FAM13A: variants seen among roughly 807,000 people sequenced by gnomAD.
FAM13A encodes the protein protein FAM13A.
FAM13A carries 76 observed loss-of-function variants against 129.6 expected under a neutral mutation model. That is an observed-to-expected ratio of 0.59 (90% CI 0.49 to 0.71). The LOEUF (loss-of-function observed/expected upper bound fraction) is 0.71, where lower values mean the gene tolerates loss of function less well. Among genes scored for constraint, FAM13A ranks in the 30% least tolerant of loss-of-function variants. FAM13A has a pLI of 0.00. For missense variants in FAM13A, 1,108 were observed against 1,249.3 expected, an observed-to-expected ratio of 0.89 and a Z score of 1.70; for synonymous variants, 443 against 449.9, an observed-to-expected ratio of 0.98 and a Z score of 0.20.
In FAM13A at chr4:88,732,020, T is replaced by C; in HGVS notation, c.2825A>G (p.Asn942Ser). The C allele has an allele frequency of 6.2e-7, 1 of 1,611,888 alleles. No individual in the cohort carries two copies. Among genetic ancestry groups the C allele is most frequent in the Non-Finnish European group, 8.5e-7 (1 of 1,179,088 alleles). Residue 942 changes from asparagine to serine, a missense_variant, in exon 22 of 24, where the codon AAT becomes AGT. Around this residue, in one of 3 missense-constraint regions of FAM13A, gnomAD observed 529 missense variants for 621.2 expected, o/e 0.85. Transcript: ENST00000264344. Reference sequence around the variant, plus strand: ...GACATACATTGAGGCAGCATGGAGATTTGAAAGCCCTGTGTCCTGGCTGCA... The same window carrying C: ...GACATACATTGAGGCAGCATGGAGACTTGAAAGCCCTGTGTCCTGGCTGCA... ...SKCSQDTGLS[N>S]LHAASIPELL...
At position 88,888,427 on chromosome 4, in the gene FAM13A, T is replaced by C. The variant is rs1444285515; in HGVS notation, c.843+17952A>G. 4.6e-5 allele frequency among the ~76,000 whole-genome samples: 7 copies of C among 152,302 alleles called. No homozygotes were observed. In the East Asian group the frequency reaches 1.2e-3, roughly 25 times the overall value. On this transcript the variant is annotated intron_variant, in intron 6 of 23. Transcript: ENST00000264344. ...ATTTGAAAGGCAGAGGAAAAGACAA[T>C]GCTACTTTGGGTATTATAGCTGGCA...
intron 6 of FAM13A, among the ~76,000 whole-genome samples, chr4:88,860,337 A>T (rs1309566046): frequency 6.6e-6 from 1 of 152,216 alleles, no homozygotes. Flanking sequence ...GGATGAGAAT[A>T]CTCAGGATTC....
At chr4:88,881,178 T>C (rs1481582810) in intron 6 of FAM13A, among the ~76,000 whole-genome samples, 2 of 152,182 alleles carry the variant, frequency 1.3e-5, no homozygotes, top group African/African-American at 4.8e-5. Context: ...CAAATAAAAC[T>C]AGCCCAATAA....
intron 11 of FAM13A, among the ~76,000 whole-genome samples, chr4:88,780,079 CTTTAT>C (rs1209487801): frequency 1.3e-5 from 2 of 152,000 alleles, no homozygotes; most frequent in African/African-American, 2.4e-5. Flanking sequence ...ACTTTAAATT[CTTTAT>C]TTTGAGAATT....
intron 3 of FAM13A, among the ~76,000 whole-genome samples, chr4:88,995,195 CAG>C: frequency 6.7e-6 from 1 of 149,612 alleles, no homozygotes; most frequent in Non-Finnish European, 1.5e-5. Context: ...AATATACAAA[CAG>C]TATATTTGTT....
At chr4:88,933,681 C>G (rs1462546521) in intron 5 of FAM13A, among the ~76,000 whole-genome samples, 1 of 152,074 alleles carries the variant, frequency 6.6e-6, no homozygotes, top group Non-Finnish European at 1.5e-5. Context: ...GTTGTATATC[C>G]TAGCTTACCT....
intron 6 of FAM13A, among the ~76,000 whole-genome samples, chr4:88,851,489 T>G (rs949322962): frequency 6.6e-6 from 1 of 151,534 alleles, no homozygotes; most frequent in Admixed American, 6.6e-5. Context: ...AATCATTCTA[T>G]GTAATGAGAA....
chr4:88,841,290 T>C (rs1735767773), intron 7 of FAM13A, among the ~76,000 whole-genome samples: 2 of 152,034 alleles, frequency 1.3e-5, no homozygotes, highest in Admixed American at 6.5e-5. Flanking sequence ...GGTCAGGAGT[T>C]CAAGACCAGC....
intron 6 of FAM13A, among the ~76,000 whole-genome samples, chr4:88,881,055 G>C (rs1186672726): frequency 6.6e-6 from 1 of 152,188 alleles, no homozygotes; most frequent in Non-Finnish European, 1.5e-5. Flanking sequence ...GGTAGCTGAA[G>C]ACAATGGACA....
At chr4:88,790,256 T>C (rs1724851937) in intron 9 of FAM13A, among the ~76,000 whole-genome samples, 1 of 152,160 alleles carries the variant, frequency 6.6e-6, no homozygotes, top group South Asian at 2.1e-4. Flanking sequence ...GTTTAACCTT[T>C]AATTACATTA....
At chr4:89,020,798 T>A (rs1767159219) in intron 2 of FAM13A, 129 bp from the exon 3 acceptor site, 1 of 658,366 alleles carries the variant, frequency 1.5e-6, no homozygotes, top group Non-Finnish European at 2.6e-6. Context: ...TCAATCATTG[T>A]GTAATTTTCA....
At chr4:89,024,432 G>C (rs1055701355) in intron 2 of FAM13A, among the ~76,000 whole-genome samples, 2 of 152,100 alleles carry the variant, frequency 1.3e-5, no homozygotes, top group Non-Finnish European at 2.9e-5. Flanking sequence ...TCCAAAATCT[G>C]CTTAAAGGGC....
Position 88,726,457 on chromosome 4 carries a change from A to G in FAM13A, c.*2076T>C, listed in dbSNP as rs1188789984. ...TTTAGTTAATTTACCTTTGGCAGAA[A>G]CAACAGATTCCAAAACAATTAGTAG... is the stretch of plus-strand genomic sequence containing the variant. On this transcript the variant is annotated 3_prime_UTR_variant, in exon 24 of 24. Coordinates refer to ENST00000264344, the MANE Select transcript of FAM13A (RefSeq NM_014883.4). 6.6e-6 allele frequency: 1 copy of G among 152,646 alleles called. No individual in the cohort carries two copies. Among genetic ancestry groups the G allele is most frequent in the Non-Finnish European group, 1.5e-5 (1 of 68,048 alleles). The allele number at this position is 152,646 out of a possible 1,614,324, so 9.5% of individuals were successfully genotyped here. A position where few individuals can be genotyped will look rare whatever the true frequency, so the allele number is the denominator to read the frequency against.
chr4:88,863,640 A>C (rs1739890499), intron 6 of FAM13A, among the ~76,000 whole-genome samples: 1 of 152,212 alleles, frequency 6.6e-6, no homozygotes, highest in Admixed American at 6.5e-5. Flanking sequence ...GGACTATGCT[A>C]ATGCCAGGCA....
intron 20 of FAM13A, among the ~76,000 whole-genome samples, chr4:88,738,655 G>A (rs1578429594): frequency 6.6e-6 from 1 of 152,300 alleles, no homozygotes; most frequent in East Asian, 1.9e-4. Context: ...GGGACTATGA[G>A]CAGAGGGCCT....
intron 14 of FAM13A, among the ~76,000 whole-genome samples, chr4:88,751,167 A>C (rs1227119656): frequency 6.6e-6 from 1 of 152,174 alleles, no homozygotes; most frequent in African/African-American, 2.4e-5. Flanking sequence ...GCTTGAACCC[A>C]GGAGGTGGAG....
At chr4:88,827,085 C>A (rs1456033721) in intron 7 of FAM13A, among the ~76,000 whole-genome samples, 1 of 152,214 alleles carries the variant, frequency 6.6e-6, no homozygotes, top group South Asian at 2.1e-4. Context: ...CAATGGACTT[C>A]GACCTTTACC....
chr4:89,020,083 C>T lies in FAM13A; in HGVS notation c.427+377G>A, dbSNP rs147645755. On this transcript the variant is annotated intron_variant, in intron 3 of 23. Coordinates refer to ENST00000264344, the MANE Select transcript of FAM13A (RefSeq NM_014883.4). The stretch of plus-strand genomic sequence containing the variant: ...CAATATTACGTTACTGAAGTAGTCA[C>T]ATGTTAATGGTATCAGAAATTTCAT... 4.6e-3 allele frequency among the ~76,000 whole-genome samples: 706 copies of T among 152,132 alleles called. 8 individuals carry two copies. Among genetic ancestry groups the T allele is most frequent in the African/African-American group, 0.016 (677 of 41,480 alleles).
At chr4:88,825,250 C>T (rs1463563975) in intron 7 of FAM13A, among the ~76,000 whole-genome samples, 2 of 149,930 alleles carry the variant, frequency 1.3e-5, no homozygotes, top group Non-Finnish European at 3.0e-5. Flanking sequence ...GAATCTTGCT[C>T]TGTCACCCAG....
Sources: gnomAD v4.1 joint callset for allele counts (sites outside exome capture counted in the v4.1 genomes callset) on GRCh38, gnomAD v4.1.1 for gene constraint, gnomAD v4.1.1 regional missense constraint, MANE v1.5 for transcripts, NCBI Gene and HGNC (gene_info 2026-07-23, HGNC 2026-07-21) for gene names.